ANKMY2: variants seen among roughly 807,000 people sequenced by gnomAD.
The protein encoded by ANKMY2 is ankyrin repeat and MYND domain-containing protein 2.
A neutral mutation model predicts 50.4 loss-of-function variants in ANKMY2; 36 were observed. That is an observed-to-expected ratio of 0.71 (90% CI 0.55 to 0.94). The LOEUF (loss-of-function observed/expected upper bound fraction) is 0.94. Ranked by LOEUF, ANKMY2 falls within the 40% of genes least tolerant of loss-of-function variation. The pLI, the probability that ANKMY2 is intolerant of heterozygous loss-of-function variation, is 0.00. For missense variants in ANKMY2, 565 were observed against 524.0 expected (o/e 1.08, Z -0.76); for synonymous variants, 187 against 178.8 (o/e 1.05, Z -0.36).
At chr7:16,625,979 CTTTTT>C (rs536879249) in intron 3 of ANKMY2, among the ~76,000 whole-genome samples, 28 of 103,100 alleles carry the variant, frequency 2.7e-4, no homozygotes, top group Admixed American at 4.3e-4. Flanking sequence ...TATAAGAAGT[CTTTTT>C]TTTTTTTTTT....
At chr7:16,628,433 G>A (rs1483372200) in intron 2 of ANKMY2, among the ~76,000 whole-genome samples, 2 of 150,976 alleles carry the variant, frequency 1.3e-5, no homozygotes, top group East Asian at 2.0e-4. Context: ...GAGTAAGAAT[G>A]GAAAAATGAT....
At chr7:16,618,529 C>A (rs1332589626) in intron 4 of ANKMY2, among the ~76,000 whole-genome samples, 1 of 152,120 alleles carries the variant, frequency 6.6e-6, no homozygotes, top group Non-Finnish European at 1.5e-5. Context: ...ATTTTTGGTA[C>A]TCTATGCTTT....
At chr7:16,633,396 T>C (rs917612833) in intron 2 of ANKMY2, among the ~76,000 whole-genome samples, 16 of 152,092 alleles carry the variant, frequency 1.1e-4, no homozygotes, top group African/African-American at 3.4e-4. Context: ...CAGAACACCA[T>C]AAAGATTAAA....
chr7:16,636,505 G>C (rs772969948), intron 1 of ANKMY2, 50 bp from the exon 2 acceptor site: 2 of 1,405,892 alleles, frequency 1.4e-6, no homozygotes, highest in African/African-American at 2.9e-5. Context: ...ACTAGAATAA[G>C]AGAAAAATCT....
At chr7:16,614,742 T>C (rs1051657959) in intron 5 of ANKMY2, among the ~76,000 whole-genome samples, 4 of 152,226 alleles carry the variant, frequency 2.6e-5, no homozygotes, top group African/African-American at 9.6e-5. Context: ...TCTATTTTAC[T>C]ACATGATAGT....
chr7:16,645,297 C>A (rs960746239), intron 1 of ANKMY2, among the ~76,000 whole-genome samples: 2 of 152,298 alleles, frequency 1.3e-5, no homozygotes, highest in African/African-American at 2.4e-5. Flanking sequence ...TCTGTAACTA[C>A]CCCTCTTGTC....
intron 7 of ANKMY2, among the ~76,000 whole-genome samples, chr7:16,609,260 T>C (rs2286230): frequency 0.17 from 26,054 of 152,010 alleles, 2,691 homozygotes; most frequent in African/African-American, 0.28. Flanking sequence ...TCCCCCTAGG[T>C]GATCAATTCA....
intron 8 of ANKMY2, among the ~76,000 whole-genome samples, chr7:16,603,037 T>C (rs1781097292): frequency 6.6e-6 from 1 of 152,236 alleles, no homozygotes; most frequent in African/African-American, 2.4e-5. Flanking sequence ...TATTTCTTTA[T>C]AGCAACGTAA....
rs552910098 is a variant in ANKMY2, at chr7:16,628,736, A to C, written c.133-1558T>G. On this transcript the variant is annotated intron_variant, in intron 2 of 9. Transcript: ENST00000306999. ...ATCAGAAAGGCCACCACAAAGAAGC[A>C]AACAGCTGTTTCTTTTGCAGATTTT... Among the ~76,000 whole-genome samples the C allele has an allele frequency of 1.6e-3, 246 of 152,266 alleles. 3 individuals carry two copies. Among genetic ancestry groups the C allele is most frequent in the African/African-American group, 5.5e-3 (229 of 41,548 alleles).
At chr7:16,641,217 G>A (rs997951559) in intron 1 of ANKMY2, among the ~76,000 whole-genome samples, 1 of 148,742 alleles carries the variant, frequency 6.7e-6, no homozygotes, top group African/African-American at 2.5e-5. Flanking sequence ...CTGGGTGACA[G>A]GGTGAGACCC....
At chr7:16,639,893 C>T (rs753785631) in intron 1 of ANKMY2, among the ~76,000 whole-genome samples, 7 of 152,102 alleles carry the variant, frequency 4.6e-5, no homozygotes, top group Non-Finnish European at 8.8e-5. Flanking sequence ...GGCATGGTGG[C>T]TCACACCTGT....
At chr7:16,640,042 C>G (rs751619441) in intron 1 of ANKMY2, among the ~76,000 whole-genome samples, 1 of 151,462 alleles carries the variant, frequency 6.6e-6, no homozygotes, top group African/African-American at 2.4e-5. Context: ...GGTGCGTGCT[C>G]GTAGTCCTAG....
chr7:16,602,236 C>T, intron 9 of ANKMY2, 144 bp downstream of exon 9: 1 of 977,702 alleles, frequency 1.0e-6, no homozygotes, highest in Non-Finnish European at 1.5e-6. Context: ...AAACGGGACA[C>T]ATTAAAATTT....
intron 5 of ANKMY2, among the ~76,000 whole-genome samples, chr7:16,614,319 A>T (rs1446191881): frequency 6.6e-6 from 1 of 152,236 alleles, no homozygotes; most frequent in Non-Finnish European, 1.5e-5. Context: ...AAACATGAGT[A>T]TGCAGTTCAC....
At position 16,645,438 on chromosome 7, in the gene ANKMY2, C is replaced by A. The variant is rs2691547; in HGVS notation, c.67+69G>T. 1.1e-5 allele frequency: 16 copies of A among 1,466,918 alleles called. No homozygotes were observed. The South Asian group carries it at 2.0e-4, about 18-fold the overall frequency. 90.9% of individuals were successfully genotyped at this position (1,466,918 alleles called of 1,614,324 possible). ...AGCCAAAGGTCACCCAGGCCAGGAG[C>A]GCCCCCCGGGCTCCGCCACGCCCCC... On this transcript the variant is annotated intron_variant, in intron 1 of 9. Transcript: ENST00000306999.
rs568566613 is a variant in ANKMY2, at chr7:16,627,354, G to T, written c.133-176C>A. Among the ~76,000 whole-genome samples the T allele has an allele frequency of 3.3e-5, 5 of 152,286 alleles. No individual in the cohort carries two copies. The East Asian group carries it at 9.6e-4, about 29-fold the overall frequency. Reference sequence around the variant, plus strand: ...ATCTTCCATAAACTTCTGAGGAAGAGATGGTTTTATTACTGGAGATTTTTT... The same window carrying T: ...ATCTTCCATAAACTTCTGAGGAAGATATGGTTTTATTACTGGAGATTTTTT... On this transcript the variant is annotated intron_variant, in intron 2 of 9. Transcript: ENST00000306999.
chr7:16,644,671 C>G, intron 1 of ANKMY2: 1 of 471,104 alleles, frequency 2.1e-6, no homozygotes, highest in Non-Finnish European at 4.4e-6. Flanking sequence ...AGCATGCAGT[C>G]ACGCTGATGT....
intron 9 of ANKMY2, among the ~76,000 whole-genome samples, chr7:16,601,930 G>T (rs559210230): frequency 1.8e-4 from 27 of 152,230 alleles, no homozygotes; most frequent in Admixed American, 5.2e-4. Context: ...TTTAATGAAT[G>T]ATTTATAAAT....
chr7:16,629,126 T>A (rs953636003), intron 2 of ANKMY2, among the ~76,000 whole-genome samples: 1 of 152,152 alleles, frequency 6.6e-6, no homozygotes, highest in African/African-American at 2.4e-5. Flanking sequence ...TCGTCTCATT[T>A]AAAAAAAATT....
Sources: allele counts gnomAD v4.1 joint callset (sites outside exome capture counted in the v4.1 genomes callset), GRCh38; gene constraint gnomAD v4.1.1; transcripts MANE v1.5; gene names NCBI Gene and HGNC (gene_info 2026-07-23, HGNC 2026-07-21).